Variants in ITPR1 observed in about 807,000 individuals in gnomAD.
The protein encoded by ITPR1 is inositol 1,4,5-trisphosphate-gated calcium channel ITPR1.
A neutral mutation model predicts 318.4 loss-of-function variants in ITPR1; 96 were observed. The observed-to-expected ratio is 0.30, with a 90% CI of 0.26 to 0.36. The LOEUF (loss-of-function observed/expected upper bound fraction) is 0.36. ITPR1 is among the 10% of genes least tolerant of loss of function. The pLI, the probability that ITPR1 is intolerant of heterozygous loss-of-function variation, is 1.00. For missense variants in ITPR1, 2,440 were observed against 3,460.2 expected (o/e 0.71, Z 7.40); for synonymous variants, 1,312 against 1,289.9 (o/e 1.02, Z -0.37).
rs368149217 is a variant in ITPR1 at position 4,765,844 on chromosome 3, A to G, written c.5545-686A>G. On this transcript the variant is annotated intron_variant, in intron 44 of 61. Coordinates refer to ENST00000649015, the MANE Select transcript of ITPR1 (RefSeq NM_001378452.1). ...GGGTCCAAAAACAAATGTGTATCCAAGAGGAGAGCTACCTGTTCATTCTGA... is the reference window on the plus strand; with the variant it reads ...GGGTCCAAAAACAAATGTGTATCCAGGAGGAGAGCTACCTGTTCATTCTGA... Among the ~76,000 whole-genome samples the G allele has an allele frequency of 4.6e-5, 7 of 152,320 alleles. No homozygotes were observed. In the East Asian group the frequency reaches 1.4e-3, roughly 29 times the overall value.
intron 39 of ITPR1, among the ~76,000 whole-genome samples, chr3:4,713,859 A>T (rs1227630210): frequency 6.6e-6 from 1 of 152,212 alleles, no homozygotes; most frequent in Non-Finnish European, 1.5e-5. Flanking sequence ...CCCATCCATG[A>T]ATGTGAACAA....
chr3:4,770,262 A>C (rs1314070878), intron 46 of ITPR1, among the ~76,000 whole-genome samples: 3 of 152,220 alleles, frequency 2.0e-5, no homozygotes, highest in African/African-American at 7.2e-5. Flanking sequence ...TGCCGCAGTG[A>C]ATTGCTCTCA....
chr3:4,627,403 G>T (rs778045000), intron 4 of ITPR1, among the ~76,000 whole-genome samples: 2 of 152,116 alleles, frequency 1.3e-5, no homozygotes, highest in African/African-American at 4.8e-5. Context: ...GGCGGAGGTC[G>T]CAGTGAGCCG....
intron 60 of ITPR1, among the ~76,000 whole-genome samples, chr3:4,836,269 G>A (rs2050908598): frequency 6.6e-6 from 1 of 152,010 alleles, no homozygotes; most frequent in Non-Finnish European, 1.5e-5. Flanking sequence ...TGGGGTTAGT[G>A]TTTGATGGGG....
chr3:4,611,509 G>A (rs1480126361), intron 4 of ITPR1, among the ~76,000 whole-genome samples: 3 of 151,812 alleles, frequency 2.0e-5, no homozygotes, highest in Admixed American at 1.3e-4. Flanking sequence ...GCAGTGAGCC[G>A]AGATCACGCC....
At chr3:4,660,882 G>T in intron 13 of ITPR1, 106 bp from the exon 14 acceptor site, 1 of 582,888 alleles carries the variant, frequency 1.7e-6, no homozygotes. Flanking sequence ...TATGCAGTAG[G>T]AAACCACTTT....
intron 60 of ITPR1, among the ~76,000 whole-genome samples, chr3:4,821,946 C>T (rs2049749730): frequency 6.6e-6 from 1 of 152,330 alleles, no homozygotes; most frequent in Admixed American, 6.5e-5. Flanking sequence ...CCCCTTTCTC[C>T]TTTCACTGGA....
intron 4 of ITPR1, among the ~76,000 whole-genome samples, chr3:4,587,362 C>A (rs1046041418): frequency 6.6e-6 from 1 of 151,700 alleles, no homozygotes; most frequent in Non-Finnish European, 1.5e-5. Flanking sequence ...CAACCTCCAC[C>A]TCCCGGGTTC....
chr3:4,715,713 C>T (rs1574983825), intron 39 of ITPR1, among the ~76,000 whole-genome samples: 1 of 152,118 alleles, frequency 6.6e-6, no homozygotes, highest in Non-Finnish European at 1.5e-5. Context: ...ATTAGCCTGA[C>T]GTGGTGCCAC....
chr3:4,813,993 G>C (rs2049111730), intron 57 of ITPR1, among the ~76,000 whole-genome samples: 1 of 152,240 alleles, frequency 6.6e-6, no homozygotes, highest in South Asian at 2.1e-4. Context: ...CAGAGGCCCT[G>C]CCGTGAAATA....
chr3:4,785,428 G>A (rs546473203), intron 51 of ITPR1, among the ~76,000 whole-genome samples: 3 of 152,378 alleles, frequency 2.0e-5, no homozygotes, highest in South Asian at 4.1e-4. Flanking sequence ...AGAATGGACA[G>A]ACTCCTTTGG....
Position 4,662,010 on chromosome 3 carries a change from A to G in ITPR1, c.1252-72A>G, listed in dbSNP as rs1320460992. 5.6e-5 allele frequency: 74 copies of G among 1,331,378 alleles called. No homozygotes were observed. In the Middle Eastern group the frequency reaches 1.3e-3, roughly 23 times the overall value. The allele number at this position is 1,331,378 out of a possible 1,614,324, so 82.5% of individuals were successfully genotyped here. ...CTTGGGATCAGCCAGTGTCTCGTAAATGTAGTGTTTGATTAAAGTCTTATC... is the reference window on the plus strand; with the variant it reads ...CTTGGGATCAGCCAGTGTCTCGTAAGTGTAGTGTTTGATTAAAGTCTTATC... On this transcript the variant is annotated intron_variant, in intron 14 of 61. Transcript: ENST00000649015.
chr3:4,527,387 G>T (rs916463524), intron 4 of ITPR1, among the ~76,000 whole-genome samples: 1 of 152,082 alleles, frequency 6.6e-6, no homozygotes, highest in Non-Finnish European at 1.5e-5. Context: ...TGGTGCTCAG[G>T]CTGGTCTTGA....
rs759437059 is a variant in ITPR1, at chr3:4,735,150, T to C, written c.5354-14T>C. 1 of 1,607,208 alleles carries C rather than the reference T, an allele frequency of 6.2e-7. No individual in the cohort carries two copies. Among genetic ancestry groups the C allele is most frequent in the Non-Finnish European group, 8.5e-7 (1 of 1,174,382 alleles). ...CTGATTGTGCTTAGTAAAAACAATATTCCATCTTCTTAGGGGGAGGTTCCG... is the reference window on the plus strand; with the variant it reads ...CTGATTGTGCTTAGTAAAAACAATACTCCATCTTCTTAGGGGGAGGTTCCG... On this transcript the variant is annotated splice_polypyrimidine_tract_variant and intron_variant, in intron 43 of 61. Transcript: ENST00000649015.
At chr3:4,782,188 C>T (rs928061951) in intron 49 of ITPR1, among the ~76,000 whole-genome samples, 2 of 152,116 alleles carry the variant, frequency 1.3e-5, no homozygotes, top group Non-Finnish European at 2.9e-5. Flanking sequence ...ACCAGCTATT[C>T]CTAAATGTGA....
intron 60 of ITPR1, among the ~76,000 whole-genome samples, chr3:4,834,052 G>A (rs930112515): frequency 1.4e-4 from 22 of 151,982 alleles, no homozygotes; most frequent in Non-Finnish European, 2.6e-4. Flanking sequence ...CCACCACACC[G>A]AGCTAATTAT....
At chr3:4,842,756 T>G (rs1049306199) in intron 61 of ITPR1, among the ~76,000 whole-genome samples, 1 of 152,234 alleles carries the variant, frequency 6.6e-6, no homozygotes, top group Non-Finnish European at 1.5e-5. Flanking sequence ...CATAGATTTT[T>G]TTTACTCAAG....
At chr3:4,603,653 T>C (rs2091477214) in intron 4 of ITPR1, among the ~76,000 whole-genome samples, 1 of 152,066 alleles carries the variant, frequency 6.6e-6, no homozygotes, top group Admixed American at 6.5e-5. Flanking sequence ...TGGTCTTGAT[T>C]TCCTGACCTC....
chr3:4,795,002 T>C (rs2047805910), intron 52 of ITPR1, 63 bp from the exon 53 acceptor site: 4 of 1,510,120 alleles, frequency 2.6e-6, no homozygotes, highest in Non-Finnish European at 3.6e-6. Context: ...AGGGCCACAT[T>C]GCATTCCTGG....
Sources: gnomAD v4.1 joint callset for allele counts (sites outside exome capture counted in the v4.1 genomes callset) on GRCh38, gnomAD v4.1.1 for gene constraint, MANE v1.5 for transcripts, NCBI Gene and HGNC (gene_info 2026-07-23, HGNC 2026-07-21) for gene names.